The following KLHL4 variants were observed in gnomAD, a reference collection of about 807,000 sequenced individuals.
The protein encoded by KLHL4 is kelch-like protein 4.
KLHL4 carries 17 observed loss-of-function variants against 45.8 expected under a neutral mutation model. That is an observed-to-expected ratio of 0.37 (90% CI 0.25 to 0.56). KLHL4 has a LOEUF of 0.56. KLHL4 is among the 20% of genes least tolerant of loss of function. The pLI, the probability that KLHL4 is intolerant of heterozygous loss-of-function variation, is 0.79. For missense variants in KLHL4, 544 were observed against 544.9 expected (o/e 1.00, Z 0.02); for synonymous variants, 224 against 189.9 (o/e 1.18, Z -1.47).
At chrX:87,633,974 C>T (rs1923182680) in intron 8 of KLHL4, 63 bp downstream of exon 8, 3 of 916,104 alleles carry the variant, frequency 3.3e-6, no homozygotes, top group Non-Finnish European at 4.5e-6. Context: ...ACTTCGGTGA[C>T]ATGATCCATC....
intron 9 of KLHL4, among the ~76,000 whole-genome samples, 197 bp downstream of exon 9, chrX:87,635,972 T>C (rs1002857651): frequency 3.6e-5 from 4 of 111,718 alleles, no homozygotes; most frequent in African/African-American, 1.3e-4. Context: ...TCCCCTCCTG[T>C]TCTAGGCTCT....
intron 1 of KLHL4, among the ~76,000 whole-genome samples, chrX:87,611,249 G>T (rs1002288000): frequency 2.7e-5 from 3 of 111,204 alleles, no homozygotes; most frequent in Admixed American, 9.6e-5. Flanking sequence ...ATTAAAGAGG[G>T]TATTTGGTAA....
At chrX:87,534,001 C>T (rs1931373247) in intron 1 of KLHL4, among the ~76,000 whole-genome samples, 1 of 111,041 alleles carries the variant, frequency 9.0e-6, no homozygotes, top group Non-Finnish European at 1.9e-5. Context: ...GACCACAAAA[C>T]CGGAAATAGG....
chrX:87,564,436 C>G (rs1440232598), intron 1 of KLHL4, among the ~76,000 whole-genome samples: 1 of 109,581 alleles, frequency 9.1e-6, no homozygotes, highest in African/African-American at 3.3e-5. Context: ...AAAAATAAAC[C>G]TAAAGATTCA....
intron 1 of KLHL4, among the ~76,000 whole-genome samples, chrX:87,537,505 T>G (rs6614677): frequency 0.26 from 28,462 of 109,650 alleles, 3,056 homozygotes; most frequent in East Asian, 0.52. Flanking sequence ...TAAATATATA[T>G]ATAGATAGGT....
intron 1 of KLHL4, among the ~76,000 whole-genome samples, chrX:87,556,819 A>C (rs962631393): frequency 2.7e-5 from 3 of 111,412 alleles, no homozygotes; most frequent in Admixed American, 9.6e-5. Context: ...TTTCCTAGTC[A>C]GTCTTCTTTA....
chrX:87,567,834 C>T (rs973913941), intron 1 of KLHL4, among the ~76,000 whole-genome samples: 4 of 110,217 alleles, frequency 3.6e-5, no homozygotes, highest in African/African-American at 6.6e-5. Flanking sequence ...GGAGTAAAAG[C>T]GAGAGACTGC....
intron 1 of KLHL4, among the ~76,000 whole-genome samples, chrX:87,547,555 G>A (rs916705722): frequency 1.8e-5 from 2 of 111,356 alleles, no homozygotes; most frequent in African/African-American, 6.5e-5. Flanking sequence ...AGGCACGGTG[G>A]CTCACACATG....
chrX:87,642,386 G>T (rs1923492219), intron 9 of KLHL4, among the ~76,000 whole-genome samples: 1 of 111,372 alleles, frequency 9.0e-6, no homozygotes, highest in South Asian at 3.7e-4. Flanking sequence ...AAAGAAATCT[G>T]AAAAAACAGT....
intron 1 of KLHL4, among the ~76,000 whole-genome samples, chrX:87,551,608 T>TAGATAGATAGATAGATAGAAAGAA (rs761675267): frequency 1.9e-5 from 2 of 107,112 alleles, no homozygotes; most frequent in East Asian, 6.1e-4. Context: ...GATAGATAGA[T>TAGATAGATAGATAGATAGAAAGAA]AGAAATAGAA....
At chrX:87,579,821 A>G (rs1921216319) in intron 1 of KLHL4, among the ~76,000 whole-genome samples, 1 of 112,267 alleles carries the variant, frequency 8.9e-6, no homozygotes, top group Non-Finnish European at 1.9e-5. Flanking sequence ...CTGCCTTACA[A>G]AAATGCTAAA....
intron 9 of KLHL4, among the ~76,000 whole-genome samples, chrX:87,637,571 A>G (rs778459567): frequency 4.7e-4 from 53 of 111,614 alleles, no homozygotes; most frequent in African/African-American, 1.6e-3. Flanking sequence ...GTCCAACTTA[A>G]ACACATCAAA....
rs1931327061 is a variant in KLHL4 at position 87,532,818 on chromosome X, C to T, written c.422+14503C>T. On this transcript the variant is annotated intron_variant, in intron 1 of 10. Transcript: ENST00000373119. ...AGACTTTGCTGAAGTTGCTTATCAA[C>T]ATATCCAGAATCTACAATGAACTCA... 4.6e-5 allele frequency among the ~76,000 whole-genome samples: 5 copies of T among 109,787 alleles called. No homozygotes were observed. In the Admixed American group the frequency reaches 4.9e-4, roughly 11 times the overall value.
intron 9 of KLHL4, among the ~76,000 whole-genome samples, chrX:87,662,737 G>A (rs1924230847): frequency 9.1e-6 from 1 of 109,986 alleles, no homozygotes; most frequent in Non-Finnish European, 1.9e-5. Context: ...AGACCATCCT[G>A]GCTAACACGG....
intron 1 of KLHL4, among the ~76,000 whole-genome samples, chrX:87,554,575 T>G (rs1389667217): frequency 3.9e-5 from 4 of 103,271 alleles, no homozygotes; most frequent in Admixed American, 3.5e-4. Flanking sequence ...TTTTGTATCC[T>G]GAGACTTTGC....
intron 9 of KLHL4, among the ~76,000 whole-genome samples, chrX:87,653,135 T>A (rs954277164): frequency 9.0e-6 from 1 of 111,709 alleles, no homozygotes; most frequent in African/African-American, 3.3e-5. Flanking sequence ...CACGTGGGAA[T>A]CATGGGAGCT....
At position 87,522,206 on chromosome X, in the gene KLHL4, G is replaced by T. The variant is rs1393021552; in HGVS notation, c.422+3891G>T. ...AAATGAGATATGTGGGTATCTGCAG[G>T]GAGTGCTTTCCAGGAAGAAATCAAT... On this transcript the variant is annotated intron_variant, in intron 1 of 10. Transcript: ENST00000373119. 2.7e-5 allele frequency among the ~76,000 whole-genome samples: 3 copies of T among 111,616 alleles called. No individual in the cohort carries two copies. The Admixed American group carries it at 2.9e-4, about 11-fold the overall frequency.
chrX:87,551,377 A>G (rs944033069), intron 1 of KLHL4, among the ~76,000 whole-genome samples: 1 of 111,576 alleles, frequency 9.0e-6, no homozygotes, highest in Non-Finnish European at 1.9e-5. Context: ...AAAACATCCC[A>G]TGCTCACAGA....
At chrX:87,532,252 A>G (rs1424482119) in intron 1 of KLHL4, among the ~76,000 whole-genome samples, 5 of 110,031 alleles carry the variant, frequency 4.5e-5, no homozygotes, top group East Asian at 2.9e-4. Context: ...GTAGATATGC[A>G]GCATTATTTC....
Sources: allele counts gnomAD v4.1 joint callset (sites outside exome capture counted in the v4.1 genomes callset), GRCh38; gene constraint gnomAD v4.1.1; transcripts MANE v1.5; gene names NCBI Gene and HGNC (gene_info 2026-07-23, HGNC 2026-07-21).